JAZF1: variants seen among roughly 807,000 people sequenced by gnomAD.
The protein encoded by JAZF1 is JAZF zinc finger 1.
In JAZF1, 8 loss-of-function variants were observed where a neutral mutation model predicts 26.4. The ratio of observed to expected loss-of-function variants is 0.30; its 90% confidence interval spans 0.18 to 0.55. The LOEUF (loss-of-function observed/expected upper bound fraction) is 0.55. Ranked by LOEUF, JAZF1 falls within the 20% of genes least tolerant of loss-of-function variation. The pLI is 0.94. For missense variants in JAZF1, 199 were observed against 322.0 expected (o/e 0.62, Z 2.92); for synonymous variants, 126 against 122.3 (o/e 1.03, Z -0.20).
intron 1 of JAZF1, among the ~76,000 whole-genome samples, chr7:28,179,801 G>T (rs1487813234): frequency 7.7e-6 from 1 of 130,104 alleles, no homozygotes; most frequent in South Asian, 2.8e-4. Flanking sequence ...CGCGGCCGCC[G>T]GCCCCGGCCC....
intron 1 of JAZF1, among the ~76,000 whole-genome samples, chr7:28,024,804 G>A (rs775851651): frequency 2.0e-5 from 3 of 152,196 alleles, no homozygotes; most frequent in Non-Finnish European, 4.4e-5. Flanking sequence ...AACGCAGACA[G>A]AACCTTTTCC....
At chr7:28,149,930 T>G (rs1635853) in intron 1 of JAZF1, among the ~76,000 whole-genome samples, 88,222 of 152,046 alleles carry the variant, frequency 0.58, 25,825 homozygotes, top group East Asian at 0.7. Context: ...GCCTCAGCAG[T>G]GACCACTAGA....
chr7:28,031,336 T>C (rs1171815198), intron 1 of JAZF1, among the ~76,000 whole-genome samples: 3 of 152,062 alleles, frequency 2.0e-5, no homozygotes, highest in Non-Finnish European at 4.4e-5. Context: ...TGAACGTTCA[T>C]ATAGAACAAA....
intron 1 of JAZF1, among the ~76,000 whole-genome samples, chr7:28,103,628 C>T (rs1461428169): frequency 1.3e-5 from 2 of 152,148 alleles, no homozygotes; most frequent in Non-Finnish European, 2.9e-5. Flanking sequence ...TTGTTCAGGT[C>T]AACCACTCTG....
At chr7:27,913,443 A>C (rs1414729724) in intron 2 of JAZF1, 1 of 432,424 alleles carries the variant, frequency 2.3e-6, no homozygotes. Flanking sequence ...GGTCTGTCTC[A>C]TCTCCGCTGT....
chr7:28,051,030 G>A (rs759920734), intron 1 of JAZF1, among the ~76,000 whole-genome samples: 11 of 151,170 alleles, frequency 7.3e-5, no homozygotes, highest in Non-Finnish European at 1.0e-4. Context: ...TACCTGGGAG[G>A]CTGAGACAGG....
chr7:28,166,131 A>G (rs531323641), intron 1 of JAZF1, among the ~76,000 whole-genome samples: 4 of 149,950 alleles, frequency 2.7e-5, no homozygotes, highest in African/African-American at 9.8e-5. Flanking sequence ...TATATATAAA[A>G]AAAGTTGGAA....
At chr7:28,107,401 T>C (rs575698338) in intron 1 of JAZF1, among the ~76,000 whole-genome samples, 1 of 152,354 alleles carries the variant, frequency 6.6e-6, no homozygotes, top group East Asian at 1.9e-4. Flanking sequence ...TTTACTAAAG[T>C]GCTTTGGGGC....
At chr7:27,968,732 T>C (rs1330457688) in intron 2 of JAZF1, among the ~76,000 whole-genome samples, 2 of 152,200 alleles carry the variant, frequency 1.3e-5, no homozygotes, top group African/African-American at 2.4e-5. Flanking sequence ...TAATGCAATA[T>C]AGAAACCAGC....
chr7:27,907,839 C>T (rs901220970), intron 2 of JAZF1, among the ~76,000 whole-genome samples: 4 of 152,184 alleles, frequency 2.6e-5, no homozygotes, highest in Non-Finnish European at 5.9e-5. Flanking sequence ...CCACACGAAT[C>T]GATTACAGCA....
At chr7:27,930,161 A>C (rs1463422525) in intron 2 of JAZF1, among the ~76,000 whole-genome samples, 2 of 151,864 alleles carry the variant, frequency 1.3e-5, no homozygotes, top group Non-Finnish European at 2.9e-5. Flanking sequence ...ACGCTCGGCT[A>C]ATTTTTTGTA....
chr7:27,929,081 T>C (rs1274975555), intron 2 of JAZF1, among the ~76,000 whole-genome samples: 1 of 152,246 alleles, frequency 6.6e-6, no homozygotes, highest in Non-Finnish European at 1.5e-5. Flanking sequence ...CTCAGTTTTC[T>C]TGCAACTGAA....
intron 1 of JAZF1, among the ~76,000 whole-genome samples, chr7:28,044,505 CT>C (rs1215443165): frequency 1.3e-5 from 2 of 152,172 alleles, no homozygotes; most frequent in Non-Finnish European, 2.9e-5. Flanking sequence ...ACTGTCTGCA[CT>C]GTCCTAGCTG....
rs1157239006 is a variant in JAZF1, at chr7:28,092,591, C to A, written c.115+87872G>T. Among the ~76,000 whole-genome samples, 8 of 152,056 alleles carry A rather than the reference C, an allele frequency of 5.3e-5. No homozygotes were observed. The East Asian group carries it at 1.5e-3, about 29-fold the overall frequency. ...GATGCGGTGGCTCACACTTATAATC[C>A]CAGCACTTTGGGAGGCTGAGGCAGG... On this transcript the variant is annotated intron_variant, in intron 1 of 4. Coordinates refer to ENST00000283928, the MANE Select transcript of JAZF1 (RefSeq NM_175061.4).
At chr7:27,957,738 ACTT>A in intron 2 of JAZF1, among the ~76,000 whole-genome samples, 1 of 152,358 alleles carries the variant, frequency 6.6e-6, no homozygotes, top group East Asian at 1.9e-4. Flanking sequence ...GGATTTAATG[ACTT>A]CTTAATAGAA....
intron 4 of JAZF1, among the ~76,000 whole-genome samples, chr7:27,836,317 G>A (rs1782813120): frequency 6.6e-6 from 1 of 152,140 alleles, no homozygotes; most frequent in Non-Finnish European, 1.5e-5. Context: ...CTTAGGTGGG[G>A]GGGGTTCCAC....
chr7:28,086,426 A>G (rs1183152413), intron 1 of JAZF1, among the ~76,000 whole-genome samples: 3 of 152,214 alleles, frequency 2.0e-5, no homozygotes, highest in African/African-American at 7.2e-5. Context: ...ACCATTACTG[A>G]TAAACCCCTT....
At chr7:27,945,638 C>T (rs1784915228) in intron 2 of JAZF1, among the ~76,000 whole-genome samples, 1 of 152,230 alleles carries the variant, frequency 6.6e-6, no homozygotes, top group Non-Finnish European at 1.5e-5. Context: ...GTTCTCAGAA[C>T]CAGCTGCATC....
chr7:27,907,294 C>T (rs759410526), intron 2 of JAZF1, among the ~76,000 whole-genome samples: 4 of 152,340 alleles, frequency 2.6e-5, no homozygotes, highest in Non-Finnish European at 5.9e-5. Flanking sequence ...AAGCCCTTGG[C>T]TCCACATAAT....
Sources: gnomAD v4.1 joint callset for allele counts (sites outside exome capture counted in the v4.1 genomes callset) on GRCh38, gnomAD v4.1.1 for gene constraint, MANE v1.5 for transcripts, NCBI Gene and HGNC (gene_info 2026-07-23, HGNC 2026-07-21) for gene names.